Variants in SGIP1 observed in about 807,000 individuals in gnomAD.
SGIP1 encodes SH3-containing GRB2-like protein 3-interacting protein 1.
A neutral mutation model predicts 107.5 loss-of-function variants in SGIP1; 38 were observed. That is an observed-to-expected ratio of 0.35 (90% CI 0.27 to 0.46). The LOEUF is 0.46. Ranked by LOEUF, SGIP1 falls within the 20% of genes least tolerant of loss-of-function variation. The probability of loss-of-function intolerance (pLI) is 1.00; values close to 1 mark genes in which losing one functional copy is unlikely to be tolerated. For synonymous variants in SGIP1, 365 were observed against 366.1 expected (o/e 1.00, Z 0.03); for missense variants, 929 against 1,019.5 (o/e 0.91, Z 1.21).
At chr1:66,641,761 C>T (rs143739033) in intron 5 of SGIP1, among the ~76,000 whole-genome samples, 1 of 152,258 alleles carries the variant, frequency 6.6e-6, no homozygotes, top group African/African-American at 2.4e-5. Flanking sequence ...ATGTTTTCAG[C>T]TTCTTTCCAA....
intron 22 of SGIP1, 127 bp from the exon 23 acceptor site, chr1:66,740,531 T>C (rs564076245): frequency 1.5e-6 from 1 of 668,292 alleles, no homozygotes; most frequent in Admixed American, 2.9e-5. Context: ...GACAGGGAAT[T>C]TTTAAATTGT....
Position 66,729,362 on chromosome 1 carries a change from G to A in SGIP1, c.1841G>A (p.Arg614Gln), listed in dbSNP as rs767684600. The A allele has an allele frequency of 8.7e-6, 14 of 1,613,880 alleles. No individual in the cohort carries two copies. The highest frequency in any genetic ancestry group is 4.0e-5 in the African/African-American group (3 of 74,858). Reference sequence around the variant, plus strand: ...CCGTCCCCAGCTGCTCTGACTTTTCGGGTGATAAATTTCAGCAGGTTAGAA... The same window carrying A: ...CCGTCCCCAGCTGCTCTGACTTTTCAGGTGATAAATTTCAGCAGGTTAGAA... ...NNPSPAALTF[R>Q]VINFSRLEHV... is the part of the protein sequence containing the mutation. The change falls in exon 20 of 25, where the codon CGG (arginine) becomes CAG (glutamine). Residue 614 changes from arginine (R) to glutamine (Q), a missense_variant. Physicochemically the swap from Arg to Gln is conservative, Grantham distance 43. This residue lies in a region of SGIP1 where 341 missense variants were observed against 430.9 expected (regional missense o/e 0.79). Transcript: ENST00000371037.
chr1:66,560,544 C>A (rs934413478), intron 1 of SGIP1, among the ~76,000 whole-genome samples: 11 of 152,144 alleles, frequency 7.2e-5, no homozygotes, highest in Middle Eastern at 3.4e-3. Context: ...TAAAAAACAA[C>A]CAGGTTTCTT....
intron 21 of SGIP1, among the ~76,000 whole-genome samples, chr1:66,735,285 G>A (rs192849312): frequency 4.7e-4 from 72 of 151,906 alleles, no homozygotes; most frequent in Admixed American, 3.0e-3. Context: ...GCACGATCTC[G>A]GCTAATAGCA....
intron 18 of SGIP1, among the ~76,000 whole-genome samples, chr1:66,713,939 A>G (rs529027992): frequency 4.6e-5 from 7 of 152,272 alleles, no homozygotes; most frequent in African/African-American, 1.7e-4. Flanking sequence ...AAGGAAGCTG[A>G]AAGAATTCTA....
intron 15 of SGIP1, among the ~76,000 whole-genome samples, chr1:66,688,316 A>G (rs2088973546): frequency 6.6e-6 from 1 of 152,200 alleles, no homozygotes; most frequent in Non-Finnish European, 1.5e-5. Context: ...TCTCAGACAT[A>G]TGACTGAAGT....
chr1:66,676,237 T>A (rs1243575389), intron 12 of SGIP1, among the ~76,000 whole-genome samples: 1 of 152,162 alleles, frequency 6.6e-6, no homozygotes, highest in East Asian at 1.9e-4. Flanking sequence ...TCAAACCACA[T>A]CCAACTGACT....
chr1:66,729,509 C>G (rs1032634), intron 20 of SGIP1, 90 bp downstream of exon 20: 575,240 of 1,475,932 alleles, frequency 0.39, 119,493 homozygotes, highest in Non-Finnish European at 0.43. Flanking sequence ...AACAGGGTCG[C>G]ACTATAGTGA....
intron 18 of SGIP1, among the ~76,000 whole-genome samples, chr1:66,697,560 A>G (rs1444476312): frequency 6.6e-6 from 1 of 152,216 alleles, no homozygotes; most frequent in Non-Finnish European, 1.5e-5. Context: ...CTCGCTAAAA[A>G]ATGTTTATGC....
chr1:66,561,107 A>G (rs574034365), intron 1 of SGIP1, among the ~76,000 whole-genome samples: 2 of 152,202 alleles, frequency 1.3e-5, no homozygotes, highest in African/African-American at 4.8e-5. Flanking sequence ...AGCACCTACT[A>G]TGTGCCAGAC....
chr1:66,704,535 T>C (rs989390743), intron 18 of SGIP1: 33 of 152,214 alleles, frequency 2.2e-4, no homozygotes, highest in Admixed American at 1.9e-3. Flanking sequence ...TGACATATAA[T>C]TTCAAACTTC....
chr1:66,546,968 A>G (rs898955707), intron 1 of SGIP1, among the ~76,000 whole-genome samples: 1 of 152,130 alleles, frequency 6.6e-6, no homozygotes, highest in Non-Finnish European at 1.5e-5. Flanking sequence ...AGTGTTCCTG[A>G]CTTTCTTACT....
intron 7 of SGIP1, among the ~76,000 whole-genome samples, chr1:66,644,896 G>A (rs1329363966): frequency 6.6e-6 from 1 of 152,162 alleles, no homozygotes; most frequent in Non-Finnish European, 1.5e-5. Flanking sequence ...AGCATGAAAT[G>A]TATTAGTTTT....
intron 1 of SGIP1, among the ~76,000 whole-genome samples, chr1:66,593,017 T>A (rs1236260778): frequency 6.7e-6 from 1 of 150,294 alleles, no homozygotes; most frequent in Admixed American, 6.7e-5. Flanking sequence ...GTGCTAAGAT[T>A]GCAGGCATGA....
intron 1 of SGIP1, among the ~76,000 whole-genome samples, chr1:66,594,266 C>G (rs1019569756): frequency 2.0e-5 from 3 of 152,052 alleles, no homozygotes; most frequent in Non-Finnish European, 4.4e-5. Flanking sequence ...CTTATTTAGT[C>G]CCCCAAATTA....
intron 1 of SGIP1, among the ~76,000 whole-genome samples, chr1:66,567,739 A>C (rs549057645): frequency 1.4e-4 from 21 of 152,260 alleles, no homozygotes; most frequent in Admixed American, 1.3e-4. Context: ...CAGTTTTCCC[A>C]ACACCATTTA....
intron 13 of SGIP1, 39 bp from the exon 14 acceptor site, chr1:66,679,639 C>A (rs10889644): frequency 0.61 from 962,310 of 1,581,804 alleles, 301,898 homozygotes; most frequent in East Asian, 1. Flanking sequence ...ACTTAGGAAG[C>A]ACATGACCAA....
chr1:66,631,455 TCTC>T (rs1427801924), intron 2 of SGIP1, among the ~76,000 whole-genome samples: 3 of 152,200 alleles, frequency 2.0e-5, no homozygotes, highest in African/African-American at 7.2e-5. Context: ...ATCAGAATCT[TCTC>T]TGTTTCTTGT....
At position 66,695,189 on chromosome 1, in the gene SGIP1, G is replaced by A. The variant is rs529829407; in HGVS notation, c.1571-245G>A. On this transcript the variant is annotated intron_variant, in intron 17 of 24. Transcript: ENST00000371037. ...TGCACACAAGCACCAAGTATCAAGC[G>A]ACCACCAACACATTCCCATTCCTTT... 25 of 704,364 alleles carry A rather than the reference G, an allele frequency of 3.5e-5. No homozygotes were observed. The East Asian group carries it at 4.3e-4, about 12-fold the overall frequency. 43.6% of individuals were successfully genotyped at this position (704,364 alleles called of 1,614,324 possible). A position where few individuals can be genotyped will look rare whatever the true frequency, so the allele number is the denominator to read the frequency against.
Sources: allele counts gnomAD v4.1 joint callset (sites outside exome capture counted in the v4.1 genomes callset), GRCh38; gene constraint gnomAD v4.1.1; regional missense constraint gnomAD v4.1.1; transcripts MANE v1.5; gene names NCBI Gene and HGNC (gene_info 2026-07-23, HGNC 2026-07-21).